Variants in DGKB observed in about 807,000 individuals in gnomAD.
DGKB encodes the protein diacylglycerol kinase beta, also known as 90 kDa diacylglycerol kinase.
A neutral mutation model predicts 114.3 loss-of-function variants in DGKB; 67 were observed. The observed-to-expected ratio is 0.59, with a 90% CI of 0.48 to 0.72. DGKB has a LOEUF of 0.72. Among genes scored for constraint, DGKB ranks in the 30% least tolerant of loss-of-function variants. The probability of loss-of-function intolerance (pLI) is 0.00; values close to 1 mark genes in which losing one functional copy is unlikely to be tolerated. For missense variants in DGKB, 907 were observed against 975.2 expected, an observed-to-expected ratio of 0.93 and a Z score of 0.93; for synonymous variants, 398 against 323.1, an observed-to-expected ratio of 1.23 and a Z score of -2.49.
In DGKB at chr7:14,607,421, T is replaced by C. The variant is rs62445596; in HGVS notation, c.1433+13A>G. On this transcript the variant is annotated intron_variant, in intron 17 of 25. Coordinates refer to ENST00000402815, the MANE Select transcript of DGKB (RefSeq NM_001350709.2). The stretch of plus-strand genomic sequence containing the variant: ...AACTGAGTTAATGGTAATAATATTA[T>C]CCTTGGACTTACCCTGGCATTGGTC... 0.02 allele frequency: 27,267 copies of C among 1,376,058 alleles called. 373 individuals carry two copies. The highest frequency in any genetic ancestry group is 0.024 in the South Asian group (2,035 of 84,836). 85.2% of individuals were successfully genotyped at this position (1,376,058 alleles called of 1,614,324 possible).
intron 7 of DGKB, among the ~76,000 whole-genome samples, chr7:14,699,475 C>T (rs1258670648): frequency 1.3e-5 from 2 of 152,128 alleles, no homozygotes; most frequent in East Asian, 1.9e-4. Context: ...TCTAACTTTA[C>T]CTCCTTCATA....
intron 23 of DGKB, among the ~76,000 whole-genome samples, chr7:14,281,506 C>T (rs1409546271): frequency 2.2e-4 from 33 of 146,862 alleles, no homozygotes; most frequent in Admixed American, 6.7e-4. Context: ...CTGCACCAAG[C>T]GGACCTAATA....
At chr7:14,687,713 G>A (rs1256089858) in intron 9 of DGKB, among the ~76,000 whole-genome samples, 2 of 152,188 alleles carry the variant, frequency 1.3e-5, no homozygotes, top group East Asian at 3.9e-4. Context: ...AGGACAAAAA[G>A]CTAATTTTCG....
rs541769196 is a variant in DGKB, at chr7:14,653,644, T to G, written c.1134+19285A>C. ...ACAATGTGCACATGTACTCTAAAACTTAAAGTATAATTTAAAAAAAAAAAG... is the reference window on the plus strand; with the variant it reads ...ACAATGTGCACATGTACTCTAAAACGTAAAGTATAATTTAAAAAAAAAAAG... On this transcript the variant is annotated intron_variant, in intron 13 of 25. Coordinates refer to ENST00000402815, the MANE Select transcript of DGKB (RefSeq NM_001350709.2). Among the ~76,000 whole-genome samples, 4 of 142,230 alleles carry G rather than the reference T, an allele frequency of 2.8e-5. No individual in the cohort carries two copies. The East Asian group carries it at 9.2e-4, about 33-fold the overall frequency. 93.3% of individuals were successfully genotyped at this position (142,230 alleles called of 152,430 possible). A position where few individuals can be genotyped will look rare whatever the true frequency, so the allele number is the denominator to read the frequency against.
chr7:14,682,721 C>CCTTCAGAA, intron 11 of DGKB, 32 bp downstream of exon 11: 1 of 1,608,060 alleles, frequency 6.2e-7, no homozygotes, highest in Non-Finnish European at 8.5e-7. Context: ...ATAATGGCCA[C>CCTTCAGAA]CTTCAGAAAG....
At chr7:14,697,776 G>GAAAGAAACAA (rs781493498) in intron 8 of DGKB, among the ~76,000 whole-genome samples, 6 of 100,810 alleles carry the variant, frequency 6.0e-5, no homozygotes, top group African/African-American at 2.4e-4. Context: ...AAGAAACAAA[G>GAAAGAAACAA]AGAAAGAAAG....
intron 1 of DGKB, among the ~76,000 whole-genome samples, chr7:14,966,508 C>A (rs1787160112): frequency 6.6e-6 from 1 of 151,650 alleles, no homozygotes; most frequent in South Asian, 2.1e-4. Flanking sequence ...ACCATGTCGC[C>A]CAGGCTGCTG....
rs74867127 is a variant in DGKB, at chr7:14,148,497, A to G, written c.*634T>C. 0.11 allele frequency: 16,784 copies of G among 152,686 alleles called. 1,114 individuals are homozygous for G. The highest frequency in any genetic ancestry group is 0.19 in the African/African-American group (7,871 of 41,542). 9.5% of individuals were successfully genotyped at this position (152,686 alleles called of 1,614,324 possible). ...TCTGGAATTAAAAAGAAAACTAAGC[A>G]AAATAAAAACCGCGTTCTATTTTTC... On this transcript the variant is annotated 3_prime_UTR_variant, in exon 26 of 26. Coordinates refer to ENST00000402815, the MANE Select transcript of DGKB (RefSeq NM_001350709.2).
chr7:14,471,984 C>A (rs4721339), intron 21 of DGKB, among the ~76,000 whole-genome samples: 3,110 of 152,132 alleles, frequency 0.02, 125 homozygotes, highest in Admixed American at 0.091. Flanking sequence ...AAATTAGAGA[C>A]CAGATACTTT....
At chr7:14,562,170 T>C (rs1050289634) in intron 20 of DGKB, among the ~76,000 whole-genome samples, 1 of 152,182 alleles carries the variant, frequency 6.6e-6, no homozygotes, top group Non-Finnish European at 1.5e-5. Context: ...AGCTTCCACA[T>C]GGTGTTGAGC....
intron 2 of DGKB, among the ~76,000 whole-genome samples, chr7:14,782,500 C>G (rs1586469392): frequency 6.6e-6 from 1 of 151,958 alleles, no homozygotes; most frequent in Non-Finnish European, 1.5e-5. Flanking sequence ...CTACTCTGTC[C>G]TTTGCTCTAG....
chr7:14,552,260 T>C (rs1208252751), intron 20 of DGKB, among the ~76,000 whole-genome samples: 1 of 152,166 alleles, frequency 6.6e-6, no homozygotes, highest in East Asian at 1.9e-4. Flanking sequence ...ATAATGTCTA[T>C]GTCAGCAATT....
Position 14,825,016 on chromosome 7 carries a change from G to GTGTATATA in DGKB, c.70+16177_70+16178insTATATACA, listed in dbSNP as rs1480765381. 2.9e-3 allele frequency among the ~76,000 whole-genome samples: 264 copies of GTGTATATA among 92,402 alleles called. 2 individuals are homozygous for GTGTATATA. Among genetic ancestry groups the GTGTATATA allele is most frequent in the Middle Eastern group, 7.7e-3 (1 of 130 alleles). 60.6% of individuals were successfully genotyped at this position (92,402 alleles called of 152,430 possible). ...TGTGTATATATATATGTATGTGTAT[G>GTGTATATA]TATATATATATATATATATATATAT... On this transcript the variant is annotated intron_variant, in intron 2 of 25. Transcript: ENST00000402815.
chr7:14,528,852 T>C (rs1464721442), intron 20 of DGKB, among the ~76,000 whole-genome samples: 1 of 151,998 alleles, frequency 6.6e-6, no homozygotes, highest in African/African-American at 2.4e-5. Flanking sequence ...ATAGTTCTTA[T>C]AAAATTCCGT....
At chr7:14,410,956 T>C (rs1490517731) in intron 21 of DGKB, among the ~76,000 whole-genome samples, 1 of 152,186 alleles carries the variant, frequency 6.6e-6, no homozygotes, top group African/African-American at 2.4e-5. Context: ...TACAATGGTG[T>C]GAAGGTGATA....
chr7:14,598,236 T>C (rs1044068626), intron 17 of DGKB, among the ~76,000 whole-genome samples: 2 of 152,200 alleles, frequency 1.3e-5, no homozygotes, highest in African/African-American at 4.8e-5. Flanking sequence ...ATCACTCTGA[T>C]ATAAAAATGG....
chr7:14,318,984 G>T (rs1250674592), intron 23 of DGKB, among the ~76,000 whole-genome samples: 2 of 151,984 alleles, frequency 1.3e-5, no homozygotes, highest in Non-Finnish European at 1.5e-5. Context: ...CATGTCCTTT[G>T]TAGGGACTTG....
chr7:14,330,896 G>A (rs957686605), intron 23 of DGKB, among the ~76,000 whole-genome samples: 10 of 151,666 alleles, frequency 6.6e-5, no homozygotes, highest in African/African-American at 1.2e-4. Flanking sequence ...AGAGTACCTG[G>A]TCTTATATAT....
intron 20 of DGKB, among the ~76,000 whole-genome samples, chr7:14,501,777 T>C (rs1422066402): frequency 6.6e-6 from 1 of 151,852 alleles, no homozygotes; most frequent in Non-Finnish European, 1.5e-5. Context: ...ATATATGGGG[T>C]GCAGATAATT....
Sources: gnomAD v4.1 joint callset for allele counts (sites outside exome capture counted in the v4.1 genomes callset) on GRCh38, gnomAD v4.1.1 for gene constraint, MANE v1.5 for transcripts, NCBI Gene and HGNC (gene_info 2026-07-23, HGNC 2026-07-21) for gene names.